NPSR1: variants seen among roughly 807,000 people sequenced by gnomAD.
NPSR1 encodes neuropeptide S receptor 1.
A neutral mutation model predicts 46.9 loss-of-function variants in NPSR1; 48 were observed. The ratio of observed to expected loss-of-function variants is 1.02; its 90% confidence interval spans 0.81 to 1.30. NPSR1 has a LOEUF of 1.30. Among genes scored for constraint, NPSR1 ranks in the 50% most tolerant of loss-of-function variants. NPSR1 has a pLI of 0.00. For synonymous variants in NPSR1, 176 were observed against 168.1 expected (o/e 1.05, Z -0.36); for missense variants, 450 against 449.5 (o/e 1.00, Z -0.01).
In NPSR1 at chr7:34,813,453, GC is replaced by G. The variant is rs529380089; in HGVS notation, c.478+1593del. ...CACACAGTCTGGGTCTAGCTCCAGC[GC>G]CCTCAAATGCTATATAGCCTGCCTC... On this transcript the variant is annotated intron_variant, in intron 4 of 8. Coordinates refer to ENST00000360581, the MANE Select transcript of NPSR1 (RefSeq NM_207172.2). Among the ~76,000 whole-genome samples, 745 of 152,254 alleles carry G rather than the reference GC, an allele frequency of 4.9e-3. 10 individuals are homozygous for G. The highest frequency in any genetic ancestry group is 4.4e-3 in the Non-Finnish European group (302 of 68,022).
At chr7:34,796,033 T>C (rs1195265628) in intron 3 of NPSR1, among the ~76,000 whole-genome samples, 1 of 152,138 alleles carries the variant, frequency 6.6e-6, no homozygotes, top group Non-Finnish European at 1.5e-5. Flanking sequence ...TAAGACAGTG[T>C]GCTATTAGTG....
chr7:34,852,644 C>T (rs1790963560), downstream of NPSR1, among the ~76,000 whole-genome samples: 1 of 152,128 alleles, frequency 6.6e-6, no homozygotes, highest in Admixed American at 6.5e-5. Flanking sequence ...AGAGAAATAT[C>T]ATTTCCCAAC....
chr7:34,862,771 C>T (rs1791219490), intron 8 of NPSR1, among the ~76,000 whole-genome samples: 1 of 151,780 alleles, frequency 6.6e-6, no homozygotes, highest in Non-Finnish European at 1.5e-5. Context: ...GGTGACCATA[C>T]ACACCAATGC....
chr7:34,802,959 T>TG, intron 3 of NPSR1, among the ~76,000 whole-genome samples: 1 of 150,424 alleles, frequency 6.6e-6, no homozygotes, highest in African/African-American at 2.5e-5. Flanking sequence ...AAAAAACACA[T>TG]GAAAAAATGC....
chr7:34,681,662 G>A (rs1023155560), intron 1 of NPSR1, among the ~76,000 whole-genome samples: 29 of 152,168 alleles, frequency 1.9e-4, no homozygotes, highest in Non-Finnish European at 1.9e-4. Context: ...TGGGGTTGCG[G>A]AAGTAGATAT....
exon 9 of NPSR1, chr7:34,878,129 G>A (rs201182729): frequency 2.4e-5 from 38 of 1,610,320 alleles, no homozygotes; most frequent in Admixed American, 3.3e-5. Context: ...TGCCCTCAAC[G>A]AGAGAACTGG....
At chr7:34,665,207 C>T (rs745534734) in intron 1 of NPSR1, among the ~76,000 whole-genome samples, 24 of 152,150 alleles carry the variant, frequency 1.6e-4, no homozygotes, top group Non-Finnish European at 1.6e-4. Context: ...CCTAAATCTC[C>T]GTGATTTAAC....
intron 3 of NPSR1, among the ~76,000 whole-genome samples, chr7:34,808,083 A>C (rs1341778770): frequency 1.3e-5 from 2 of 152,170 alleles, no homozygotes; most frequent in African/African-American, 4.8e-5. Context: ...TGACACACAG[A>C]CAGAAGAGGA....
intron 1 of NPSR1, among the ~76,000 whole-genome samples, chr7:34,675,536 A>T (rs1379924): frequency 0.13 from 20,141 of 152,214 alleles, 1,491 homozygotes; most frequent in African/African-American, 0.19. Context: ...TCATCAACCA[A>T]GTTTCCATCT....
chr7:34,695,164 A>G (rs1454697492), intron 2 of NPSR1, among the ~76,000 whole-genome samples: 1 of 152,226 alleles, frequency 6.6e-6, no homozygotes, highest in Non-Finnish European at 1.5e-5. Flanking sequence ...AAAATGCCAC[A>G]TACCTGCAAC....
At chr7:34,667,595 T>C (rs1025896150) in intron 1 of NPSR1, among the ~76,000 whole-genome samples, 1 of 152,116 alleles carries the variant, frequency 6.6e-6, no homozygotes, top group African/African-American at 2.4e-5. Flanking sequence ...AGGCTAGTCA[T>C]GCATTGCTAA....
At chr7:34,690,209 A>G (rs1793178170) in intron 2 of NPSR1, among the ~76,000 whole-genome samples, 1 of 152,174 alleles carries the variant, frequency 6.6e-6, no homozygotes, top group Non-Finnish European at 1.5e-5. Flanking sequence ...ACCTTACACA[A>G]CATAAACTAT....
intron 3 of NPSR1, among the ~76,000 whole-genome samples, chr7:34,791,722 CA>C (rs1405454763): frequency 1.3e-5 from 2 of 151,992 alleles, no homozygotes; most frequent in Non-Finnish European, 2.9e-5. Flanking sequence ...AATTAAATCA[CA>C]AAAGTCCCAG....
intron 2 of NPSR1, among the ~76,000 whole-genome samples, chr7:34,692,123 TA>T (rs1018444417): frequency 6.6e-6 from 1 of 151,764 alleles, no homozygotes; most frequent in African/African-American, 2.4e-5. Context: ...CCCTGTCTCC[TA>T]AAAAAACAAA....
intron 3 of NPSR1, among the ~76,000 whole-genome samples, chr7:34,790,449 A>C (rs1027886423): frequency 6.6e-6 from 1 of 151,932 alleles, no homozygotes; most frequent in Admixed American, 6.6e-5. Context: ...CTTTTCTTCT[A>C]AGATTAGGAA....
intron 1 of NPSR1, among the ~76,000 whole-genome samples, chr7:34,663,366 GAA>G (rs1464944640): frequency 6.6e-6 from 1 of 152,044 alleles, no homozygotes. Flanking sequence ...CCTAAGAATA[GAA>G]AGTTTGACTG....
chr7:34,840,443 A>T (rs1451043683), intron 6 of NPSR1, among the ~76,000 whole-genome samples: 2 of 151,912 alleles, frequency 1.3e-5, no homozygotes, highest in East Asian at 3.9e-4. Context: ...AGTTCAAGAG[A>T]GTCTGCTGCA....
chr7:34,717,456 T>C (rs1329418428), intron 2 of NPSR1, among the ~76,000 whole-genome samples: 1 of 152,226 alleles, frequency 6.6e-6, no homozygotes, highest in Non-Finnish European at 1.5e-5. Flanking sequence ...TCAGTCAGTA[T>C]ACCTCAGTAT....
At chr7:34,715,776 A>T (rs2128704697) in intron 2 of NPSR1, among the ~76,000 whole-genome samples, 1 of 152,310 alleles carries the variant, frequency 6.6e-6, no homozygotes. Context: ...TGCTGGGTTC[A>T]TCTTTGTAGC....
Sources: gnomAD v4.1 joint callset for allele counts (sites outside exome capture counted in the v4.1 genomes callset) on GRCh38, gnomAD v4.1.1 for gene constraint, MANE v1.5 for transcripts, NCBI Gene and HGNC (gene_info 2026-07-23, HGNC 2026-07-21) for gene names.